Variants in SEC14L3 observed in about 807,000 individuals in gnomAD.
The protein encoded by SEC14L3 is SEC14-like protein 3.
In SEC14L3, 56 loss-of-function variants were observed where a neutral mutation model predicts 57.4. That is an observed-to-expected ratio of 0.97 (90% CI 0.79 to 1.22). The LOEUF (loss-of-function observed/expected upper bound fraction) is 1.22. Ranked by LOEUF, SEC14L3 falls within the 50% of genes most tolerant of loss-of-function variation. The pLI, the probability that SEC14L3 is intolerant of heterozygous loss-of-function variation, is 0.00. For synonymous variants in SEC14L3, 173 were observed against 194.4 expected (o/e 0.89, Z 0.92); for missense variants, 485 against 511.7 (o/e 0.95, Z 0.50).
intron 12 of SEC14L3, among the ~76,000 whole-genome samples, chr22:30,452,097 G>C (rs1048160471): frequency 1.3e-5 from 2 of 151,048 alleles, no homozygotes; most frequent in African/African-American, 4.9e-5. Context: ...TGGCCAACCA[G>C]AATCTGTGCA....
downstream of SEC14L3, among the ~76,000 whole-genome samples, chr22:30,454,980 TTA>T (rs1935080219): frequency 1.5e-5 from 1 of 64,990 alleles, no homozygotes; most frequent in Non-Finnish European, 2.5e-5. Context: ...TAATATATTA[TTA>T]TATATTATAT....
At chr22:30,452,008 A>G (rs1357477747) in intron 12 of SEC14L3, among the ~76,000 whole-genome samples, 3 of 137,334 alleles carry the variant, frequency 2.2e-5, no homozygotes, top group East Asian at 2.1e-4. Flanking sequence ...AAAAAAAAAA[A>G]AGAAAAAAGA....
chr22:30,471,795 T>C (rs2146132585), intron 1 of SEC14L3, 110 bp downstream of exon 1: 5 of 1,476,964 alleles, frequency 3.4e-6, no homozygotes, highest in East Asian at 2.3e-5. Context: ...AAAGAGACAA[T>C]GTCAAGGACA....
intron 5 of SEC14L3, 68 bp from the exon 6 acceptor site, chr22:30,467,145 T>A: frequency 6.2e-7 from 1 of 1,603,608 alleles, no homozygotes; most frequent in East Asian, 2.2e-5. Flanking sequence ...GTAATCCAAG[T>A]ACATGACCCC....
intron 9 of SEC14L3, among the ~76,000 whole-genome samples, 161 bp downstream of exon 9, chr22:30,461,925 T>C (rs886085560): frequency 1.3e-5 from 2 of 152,182 alleles, no homozygotes; most frequent in Admixed American, 1.3e-4. Flanking sequence ...TGTTTGCCTT[T>C]ACAGCTGCTG....
At chr22:30,467,308 C>G (rs1935452257) in intron 5 of SEC14L3, among the ~76,000 whole-genome samples, 1 of 151,916 alleles carries the variant, frequency 6.6e-6, no homozygotes, top group Admixed American at 6.6e-5. Flanking sequence ...CCCACCCACC[C>G]CCGTATATAT....
chr22:30,454,569 A>AATAATAT (rs1361729333), downstream of SEC14L3, among the ~76,000 whole-genome samples: 130 of 119,516 alleles, frequency 1.1e-3, 8 homozygotes, highest in African/African-American at 4.3e-3. Flanking sequence ...ATAATATTAT[A>AATAATAT]TATAATCTAT....
chr22:30,471,872 G>A, intron 1 of SEC14L3, 33 bp downstream of exon 1: 1 of 1,613,264 alleles, frequency 6.2e-7, no homozygotes. Flanking sequence ...CTTTCCCCTG[G>A]TCTTCCGGAA....
chr22:30,467,229 T>TCATC (rs1346652327), intron 5 of SEC14L3, 152 bp from the exon 6 acceptor site: 9 of 928,184 alleles, frequency 9.7e-6, no homozygotes, highest in Non-Finnish European at 1.2e-5. Flanking sequence ...ATTTCCCCAC[T>TCATC]CATCCATCCA....
chr22:30,449,170 G>A, exon 13 of SEC14L3: 1 of 1,550,592 alleles, frequency 6.4e-7, no homozygotes, highest in Non-Finnish European at 8.7e-7. Flanking sequence ...GAGTTTGAGT[G>A]TGAGTTCTGT....
downstream of SEC14L3, among the ~76,000 whole-genome samples, chr22:30,455,730 C>A (rs188839187): frequency 6.6e-6 from 1 of 151,840 alleles, no homozygotes; most frequent in Admixed American, 6.5e-5. Flanking sequence ...GTGTCCCTGG[C>A]CTGAGGTCTA....
chr22:30,465,202 A>T (rs1302968023), intron 7 of SEC14L3, among the ~76,000 whole-genome samples: 1 of 152,194 alleles, frequency 6.6e-6, no homozygotes, highest in African/African-American at 2.4e-5. Context: ...CAGCCAACCT[A>T]CCAAACAGCC....
At chr22:30,471,152 G>T (rs5997658) in intron 1 of SEC14L3, 155,368 of 357,528 alleles carry the variant, frequency 0.43, 34,886 homozygotes, top group Non-Finnish European at 0.48. Flanking sequence ...AGGTGTGGTG[G>T]CACATGCCTG....
In SEC14L3 at chr22:30,461,474, T is replaced by C; in HGVS notation, c.917A>G (p.Gln306Arg). ...ILFPGCVLRWQFSSDGADIGF... is the reference protein window; with the variant it reads ...ILFPGCVLRWRFSSDGADIGF... ...GATGTCCGCACCATCAGATGAGAACTGCCACCTGTCAGGGGGAGGGGGAGG... is the reference window on the plus strand; with the variant it reads ...GATGTCCGCACCATCAGATGAGAACCGCCACCTGTCAGGGGGAGGGGGAGG... The change falls in exon 11 of 12, where the codon CAG (glutamine) becomes CGG (arginine). Residue 306 changes from glutamine (Q) to arginine (R), a missense_variant. Gln to Arg is a conservative substitution (Grantham distance 43). Coordinates refer to ENST00000215812, the MANE Select transcript of SEC14L3 (RefSeq NM_174975.5). The C allele has an allele frequency of 6.2e-7, 1 of 1,613,452 alleles. No individual in the cohort carries two copies. Among genetic ancestry groups the C allele is most frequent in the Non-Finnish European group, 8.5e-7 (1 of 1,179,566 alleles).
chr22:30,450,021 C>G (rs1934951124), intron 12 of SEC14L3, among the ~76,000 whole-genome samples: 1 of 152,054 alleles, frequency 6.6e-6, no homozygotes, highest in African/African-American at 2.4e-5. Flanking sequence ...TCTCTGTGGT[C>G]CCTCCCCGCT....
downstream of SEC14L3, chr22:30,447,844 G>C (rs1279625767): frequency 6.6e-6 from 1 of 152,184 alleles, no homozygotes; most frequent in Non-Finnish European, 1.5e-5. Flanking sequence ...TGTTTGGCTT[G>C]GGCCCAGCTC....
chr22:30,454,602 T>TATAATAATATTATTATATATAATCTATA (rs10677218), downstream of SEC14L3, among the ~76,000 whole-genome samples: 82 of 97,152 alleles, frequency 8.4e-4, 4 homozygotes, highest in African/African-American at 3.2e-3. Flanking sequence ...ATATATAATC[T>TATAATAATATTATTATATATAATCTATA]ATAATATTAT....
chr22:30,471,866 C>T (rs1440594039), intron 1 of SEC14L3, 39 bp downstream of exon 1: 10 of 1,613,114 alleles, frequency 6.2e-6, no homozygotes, highest in Non-Finnish European at 8.5e-6. Context: ...CAGCCCCTTT[C>T]CCCTGGTCTT....
intron 5 of SEC14L3, among the ~76,000 whole-genome samples, chr22:30,468,033 C>A (rs890109013): frequency 6.6e-6 from 1 of 152,168 alleles, no homozygotes; most frequent in African/African-American, 2.4e-5. Flanking sequence ...GTAATCCCAG[C>A]ACTTTGGGAG....
Sources: gnomAD v4.1 joint callset for allele counts (sites outside exome capture counted in the v4.1 genomes callset) on GRCh38, gnomAD v4.1.1 for gene constraint, MANE v1.5 for transcripts, NCBI Gene and HGNC (gene_info 2026-07-23, HGNC 2026-07-21) for gene names.